The following BACE2 variants were observed in gnomAD, a reference collection of about 807,000 sequenced individuals.
BACE2 encodes the protein beta-secretase 2.
Under a neutral mutation model 46.2 loss-of-function variants are expected in BACE2, and 17 were observed. The ratio of observed to expected loss-of-function variants is 0.37; its 90% CI spans 0.25 to 0.55. The LOEUF (loss-of-function observed/expected upper bound fraction) is 0.55. Ranked by LOEUF, BACE2 falls within the 20% of genes least tolerant of loss-of-function variation. The pLI is 0.82. For missense variants in BACE2, 595 were observed against 698.1 expected (o/e 0.85, Z 1.66); for synonymous variants, 277 against 295.9 (o/e 0.94, Z 0.66).
chr21:41,221,827 CAAAAAAAA>C (rs58502168), intron 1 of BACE2, among the ~76,000 whole-genome samples: 2,956 of 98,690 alleles, frequency 0.03, 60 homozygotes, highest in Middle Eastern at 0.049. Flanking sequence ...GACTCTGTCT[CAAAAAAAA>C]AAAAAAAAAA....
chr21:41,192,422 C>A (rs1414502880), intron 1 of BACE2, among the ~76,000 whole-genome samples: 1 of 152,178 alleles, frequency 6.6e-6, no homozygotes, highest in East Asian at 1.9e-4. Flanking sequence ...CTGTGCATGA[C>A]CCACTTTATG....
intron 1 of BACE2, among the ~76,000 whole-genome samples, chr21:41,213,523 G>A (rs141166086): frequency 5.9e-5 from 9 of 152,036 alleles, no homozygotes; most frequent in East Asian, 3.9e-4. Context: ...GCCTGTAATC[G>A]CAGCACTTTG....
rs75384154 is a variant in BACE2, at chr21:41,258,112, C to T, written c.1303+786C>T. On this transcript the variant is annotated intron_variant, in intron 8 of 8. Transcript: ENST00000330333. ...TGAATCAGAAAAGTGGTCAGGAGAA[C>T]GGCAGCCTTTCAAAACAAGATGTCA... is the stretch of plus-strand genomic sequence containing the variant. Among the ~76,000 whole-genome samples the T allele has an allele frequency of 1.7e-3, 264 of 151,872 alleles. No homozygotes were observed. In the East Asian group the frequency reaches 0.026, roughly 15 times the overall value.
At chr21:41,261,060 A>AT (rs1452197351) in intron 8 of BACE2, among the ~76,000 whole-genome samples, 1 of 152,118 alleles carries the variant, frequency 6.6e-6, no homozygotes, top group Non-Finnish European at 1.5e-5. Context: ...CAGATTACCC[A>AT]TTTTTATCTT....
intron 1 of BACE2, among the ~76,000 whole-genome samples, chr21:41,190,323 A>G (rs1241707676): frequency 6.6e-6 from 1 of 152,210 alleles, no homozygotes; most frequent in Non-Finnish European, 1.5e-5. Flanking sequence ...CCTGAAACAC[A>G]CCAGTCTCCA....
chr21:41,212,274 G>C (rs1356062647), intron 1 of BACE2, among the ~76,000 whole-genome samples: 2 of 152,192 alleles, frequency 1.3e-5, no homozygotes, highest in Non-Finnish European at 1.5e-5. Context: ...GGATGAGCGA[G>C]CGCTCTCACG....
At chr21:41,206,106 G>A (rs561527386) in intron 1 of BACE2, among the ~76,000 whole-genome samples, 1 of 152,300 alleles carries the variant, frequency 6.6e-6, no homozygotes, top group South Asian at 2.1e-4. Context: ...CCCTAACAAA[G>A]TACCCTAGAC....
chr21:41,183,953 C>A (rs1044128664), intron 1 of BACE2: 7 of 167,110 alleles, frequency 4.2e-5, no homozygotes, highest in African/African-American at 1.7e-4. Context: ...AACATTTTCT[C>A]AAGATGAGTA....
At chr21:41,183,368 A>G (rs1985219674) in intron 1 of BACE2, 1 of 167,106 alleles carries the variant, frequency 6.0e-6, no homozygotes, top group Admixed American at 6.5e-5. Context: ...TTTTATCTAT[A>G]AGCCAGTTTG....
intron 7 of BACE2, among the ~76,000 whole-genome samples, chr21:41,253,525 T>A (rs1289057266): frequency 6.6e-6 from 1 of 151,560 alleles, no homozygotes; most frequent in Non-Finnish European, 1.5e-5. Flanking sequence ...ATTTCATCAG[T>A]GTGGTGTGTA....
At chr21:41,267,224 C>T (rs2088387016) in intron 8 of BACE2, among the ~76,000 whole-genome samples, 2 of 152,166 alleles carry the variant, frequency 1.3e-5, no homozygotes. Context: ...CCTCAGCCCA[C>T]TCCCACCCCT....
At chr21:41,219,876 T>C (rs967202880) in intron 1 of BACE2, among the ~76,000 whole-genome samples, 5 of 152,334 alleles carry the variant, frequency 3.3e-5, no homozygotes, top group African/African-American at 1.2e-4. Flanking sequence ...CGATCGGTTC[T>C]GCGACAGACA....
intron 3 of BACE2, 137 bp downstream of exon 3, chr21:41,237,866 T>G: frequency 1.5e-6 from 1 of 656,998 alleles, no homozygotes; most frequent in Non-Finnish European, 2.6e-6. Context: ...AGACCAGCAT[T>G]CACACAATTA....
intron 1 of BACE2, among the ~76,000 whole-genome samples, chr21:41,172,943 C>A (rs1196004877): frequency 1.3e-5 from 2 of 152,180 alleles, no homozygotes; most frequent in Non-Finnish European, 2.9e-5. Flanking sequence ...TGGCTGCTGG[C>A]ATTTCTTGAC....
chr21:41,242,929 T>G (rs1257103306), intron 4 of BACE2, among the ~76,000 whole-genome samples: 2 of 152,156 alleles, frequency 1.3e-5, no homozygotes, highest in Non-Finnish European at 2.9e-5. Context: ...ATTATTATTT[T>G]TTTTAGATGG....
intron 2 of BACE2, among the ~76,000 whole-genome samples, chr21:41,229,531 C>T (rs1053921796): frequency 1.3e-5 from 2 of 152,218 alleles, no homozygotes; most frequent in Non-Finnish European, 2.9e-5. Flanking sequence ...AAGTATGCTT[C>T]TCAATCCACA....
chr21:41,221,484 T>C (rs1233774027), intron 1 of BACE2, among the ~76,000 whole-genome samples: 3 of 152,084 alleles, frequency 2.0e-5, no homozygotes, highest in Non-Finnish European at 4.4e-5. Flanking sequence ...GCAAAACGAG[T>C]GTCTTTGATT....
In BACE2 at chr21:41,276,346, T is replaced by C. The variant is rs1471741329; in HGVS notation, c.*722T>C. ...GTACCCAATACTTATGTTGTATTGT[T>C]GGTGCGAAAGTAAAAACACTACCTC... On this transcript the variant is annotated 3_prime_UTR_variant, in exon 9 of 9. Transcript: ENST00000330333. The C allele has an allele frequency of 6.6e-6, 1 of 152,238 alleles. No individual in the cohort carries two copies. The highest frequency in any genetic ancestry group is 1.5e-5 in the Non-Finnish European group (1 of 68,062). The allele number at this position is 152,238 out of a possible 1,614,324, so 9.4% of individuals were successfully genotyped here.
At chr21:41,260,726 T>C (rs553493453) in intron 8 of BACE2, among the ~76,000 whole-genome samples, 15 of 152,322 alleles carry the variant, frequency 9.8e-5, no homozygotes, top group African/African-American at 3.4e-4. Flanking sequence ...GGAAGCAGCA[T>C]GTTCTCACTG....
Sources: gnomAD v4.1 joint callset for allele counts (sites outside exome capture counted in the v4.1 genomes callset) on GRCh38, gnomAD v4.1.1 for gene constraint, MANE v1.5 for transcripts, NCBI Gene and HGNC (gene_info 2026-07-23, HGNC 2026-07-21) for gene names.